The following TRPM6 variants were observed in gnomAD, a reference collection of about 807,000 sequenced individuals.
The protein encoded by TRPM6 is transient receptor potential cation channel subfamily M member 6.
A neutral mutation model predicts 247.6 loss-of-function variants in TRPM6; 111 were observed. The ratio of observed to expected loss-of-function variants is 0.45; its 90% CI spans 0.38 to 0.52. TRPM6 has a LOEUF of 0.52. Ranked by LOEUF, TRPM6 falls within the 20% of genes least tolerant of loss-of-function variation. TRPM6 has a pLI of 0.00. For synonymous variants in TRPM6, 892 were observed against 853.8 expected (o/e 1.04, Z -0.78); for missense variants, 2,126 against 2,421.5 (o/e 0.88, Z 2.56).
At chr9:74,808,979 T>C (rs1018043408) in intron 13 of TRPM6, among the ~76,000 whole-genome samples, 5 of 152,212 alleles carry the variant, frequency 3.3e-5, no homozygotes, top group Admixed American at 6.5e-5. Context: ...TACAAGGGTA[T>C]TGAAGTTGTC....
chr9:74,863,899 T>TTTA lies in TRPM6; in HGVS notation c.34-5152_34-5151insTAA, dbSNP rs1554732256. Among the ~76,000 whole-genome samples, 258 of 150,770 alleles carry TTTA rather than the reference T, an allele frequency of 1.7e-3. 1 individual carries two copies. The East Asian group carries it at 0.018, about 11-fold the overall frequency. On this transcript the variant is annotated intron_variant, in intron 1 of 38. Transcript: ENST00000360774. Reference sequence around the variant, plus strand: ...CCGCGCCCGGCAACCTTTTTTTTTTTAAAAAAACATCCACAAGTTTGCATG... The same window carrying TTTA: ...CCGCGCCCGGCAACCTTTTTTTTTTTTTAAAAAAAACATCCACAAGTTTGCATG...
In TRPM6 at chr9:74,843,119, C is replaced by A. The variant is rs558197928; in HGVS notation, c.153-776G>T. On this transcript the variant is annotated intron_variant, in intron 3 of 38. Coordinates refer to ENST00000360774, the MANE Select transcript of TRPM6 (RefSeq NM_017662.5). ...CCTTTGTTGTCGTTTCTACAATGGT[C>A]TATCTTCACCAGTAGATTCCATTTC... 2.0e-5 allele frequency among the ~76,000 whole-genome samples: 3 copies of A among 152,322 alleles called. No individual in the cohort carries two copies. In the South Asian group the frequency reaches 6.2e-4, roughly 32 times the overall value.
chr9:74,755,166 AC>A (rs1826391811), intron 28 of TRPM6, among the ~76,000 whole-genome samples, 186 bp downstream of exon 28: 1 of 152,210 alleles, frequency 6.6e-6, no homozygotes, highest in Non-Finnish European at 1.5e-5. Flanking sequence ...CTTTAGACAA[AC>A]AAAATTTTGT....
At chr9:74,816,039 G>C (rs1298215209) in intron 11 of TRPM6, among the ~76,000 whole-genome samples, 1 of 152,138 alleles carries the variant, frequency 6.6e-6, no homozygotes, top group Non-Finnish European at 1.5e-5. Context: ...TAACAAGATA[G>C]AAATCTACCC....
chr9:74,869,043 A>T (rs1252531579), intron 1 of TRPM6, among the ~76,000 whole-genome samples: 1 of 152,238 alleles, frequency 6.6e-6, no homozygotes, highest in Admixed American at 6.5e-5. Context: ...AAAAACTGAT[A>T]AGACATACTT....
chr9:74,763,823 T>G (rs1006437742), intron 25 of TRPM6, among the ~76,000 whole-genome samples: 2 of 152,162 alleles, frequency 1.3e-5, no homozygotes, highest in African/African-American at 2.4e-5. Flanking sequence ...ATGTTCACCT[T>G]TCAAATGTAA....
chr9:74,834,963 T>G (rs1037027303), intron 5 of TRPM6, among the ~76,000 whole-genome samples: 8 of 152,312 alleles, frequency 5.3e-5, no homozygotes, highest in African/African-American at 1.7e-4. Context: ...GTAATAGGAT[T>G]GCTGGGTCAA....
intron 3 of TRPM6, among the ~76,000 whole-genome samples, chr9:74,850,804 G>A (rs1830281877): frequency 6.6e-6 from 1 of 152,124 alleles, no homozygotes; most frequent in African/African-American, 2.4e-5. Flanking sequence ...TGTAAAGGGA[G>A]GCACAGTAAT....
At chr9:74,803,956 A>T in intron 14 of TRPM6, 70 bp from the exon 15 acceptor site, 2 of 970,200 alleles carry the variant, frequency 2.1e-6, no homozygotes, top group Non-Finnish European at 3.4e-6. Context: ...AATAAAACAA[A>T]AGGAGGGGAG....
chr9:74,740,548 A>T (rs1825828845), intron 33 of TRPM6, among the ~76,000 whole-genome samples: 2 of 152,202 alleles, frequency 1.3e-5, no homozygotes, highest in Non-Finnish European at 2.9e-5. Context: ...ATGGGACCCA[A>T]GCGCAAACAC....
At chr9:74,775,207 C>A (rs1046924414) in intron 24 of TRPM6, among the ~76,000 whole-genome samples, 1 of 152,178 alleles carries the variant, frequency 6.6e-6, no homozygotes, top group Non-Finnish European at 1.5e-5. Context: ...ATTTCCGCAT[C>A]CTGACTCACA....
At chr9:74,795,543 G>T (rs1299349305) in intron 18 of TRPM6, among the ~76,000 whole-genome samples, 2 of 152,106 alleles carry the variant, frequency 1.3e-5, no homozygotes, top group Non-Finnish European at 2.9e-5. Context: ...CCTGTTGATA[G>T]TCTCCTTCTC....
At chr9:74,799,449 G>A (rs1476084818) in intron 17 of TRPM6, among the ~76,000 whole-genome samples, 1 of 151,884 alleles carries the variant, frequency 6.6e-6, no homozygotes, top group Non-Finnish European at 1.5e-5. Context: ...GATAATAGAT[G>A]AGGCTGAGAA....
Position 74,843,351 on chromosome 9 carries a change from CATTA to C in TRPM6, c.153-1012_153-1009del, listed in dbSNP as rs1157047483. ...TTGGGATCAGCATCTCTAAAACTCT[CATTA>C]ATGTTGCATTTTGACCTCCTCCCAT... On this transcript the variant is annotated intron_variant, in intron 3 of 38. Coordinates refer to ENST00000360774, the MANE Select transcript of TRPM6 (RefSeq NM_017662.5). Among the ~76,000 whole-genome samples, 6 of 152,228 alleles carry C rather than the reference CATTA, an allele frequency of 3.9e-5. No individual in the cohort carries two copies. The South Asian group carries it at 1.0e-3, about 26-fold the overall frequency.
intron 6 of TRPM6, among the ~76,000 whole-genome samples, chr9:74,831,980 G>A (rs878904881): frequency 6.6e-5 from 10 of 152,120 alleles, no homozygotes; most frequent in African/African-American, 1.7e-4. Flanking sequence ...ATGTCATCAC[G>A]TTGGAACTCT....
chr9:74,726,883 C>T (rs1825347445), intron 38 of TRPM6, among the ~76,000 whole-genome samples: 2 of 152,196 alleles, frequency 1.3e-5, no homozygotes, highest in South Asian at 4.1e-4. Flanking sequence ...CTCCTTTTGA[C>T]CAGAGAAGCC....
At chr9:74,877,653 G>A (rs1338809741) in intron 1 of TRPM6, among the ~76,000 whole-genome samples, 1 of 152,128 alleles carries the variant, frequency 6.6e-6, no homozygotes, top group Non-Finnish European at 1.5e-5. Flanking sequence ...CAAACCATGA[G>A]CCATTGGCAG....
chr9:74,786,059 A>G lies in TRPM6; in HGVS notation c.2734T>C (p.Leu912=), dbSNP rs1450122340. 6.2e-7 allele frequency: 1 copy of G among 1,614,246 alleles called. No homozygotes were observed. The highest frequency in any genetic ancestry group is 8.5e-7 in the Non-Finnish European group (1 of 1,180,048). The change falls in exon 21 of 39, where the codon TTA becomes CTA. Residue 912 remains leucine, a synonymous_variant. Transcript: ENST00000360774. Reference sequence around the variant, plus strand: ...AGGCCAATGGCCACAGTTTCTGTTAAGTTCCAGTACTCACTAATCCATACC... The same window carrying G: ...AGGCCAATGGCCACAGTTTCTGTTAGGTTCCAGTACTCACTAATCCATACC... ...VKVWISEYWN[L]TETVAIGLFS...
chr9:74,799,304 T>C (rs1434502921), intron 17 of TRPM6, among the ~76,000 whole-genome samples: 3 of 152,280 alleles, frequency 2.0e-5, no homozygotes, highest in East Asian at 3.9e-4. Context: ...TCACTCTTTG[T>C]CTCTTTTTAT....
Sources: allele counts gnomAD v4.1 joint callset (sites outside exome capture counted in the v4.1 genomes callset), GRCh38; gene constraint gnomAD v4.1.1; transcripts MANE v1.5; gene names NCBI Gene and HGNC (gene_info 2026-07-23, HGNC 2026-07-21).